SOX30: variants seen among roughly 807,000 people sequenced by gnomAD.
SOX30 encodes transcription factor SOX-30.
Under a neutral mutation model 58.6 loss-of-function variants are expected in SOX30, and 17 were observed. The observed-to-expected ratio is 0.29, with a 90% CI of 0.20 to 0.44. The LOEUF is 0.44. Ranked by LOEUF, SOX30 falls within the 20% of genes least tolerant of loss-of-function variation. The pLI, the probability that SOX30 is intolerant of heterozygous loss-of-function variation, is 1.00. For missense variants in SOX30, 951 were observed against 965.8 expected, an observed-to-expected ratio of 0.98 and a Z score of 0.20; for synonymous variants, 421 against 400.2, an observed-to-expected ratio of 1.05 and a Z score of -0.62.
intron 2 of SOX30, among the ~76,000 whole-genome samples, chr5:157,659,311 C>A (rs1759534993): frequency 1.3e-5 from 2 of 152,130 alleles, no homozygotes; most frequent in Non-Finnish European, 2.9e-5. Context: ...CCCAGATGAG[C>A]CTATAGTGCA....
chr5:157,663,953 C>T (rs1759621420), intron 2 of SOX30, among the ~76,000 whole-genome samples: 1 of 151,234 alleles, frequency 6.6e-6, no homozygotes. Context: ...TAAAAGAGGA[C>T]AAAAAAAATG....
chr5:157,642,390 A>G (rs1561582598), intron 3 of SOX30, among the ~76,000 whole-genome samples: 1 of 152,082 alleles, frequency 6.6e-6, no homozygotes. Flanking sequence ...CCATGAATTC[A>G]GTGTGTGAAA....
chr5:157,636,098 G>C (rs1339221232), intron 4 of SOX30, among the ~76,000 whole-genome samples: 1 of 152,098 alleles, frequency 6.6e-6, no homozygotes, highest in East Asian at 1.9e-4. Flanking sequence ...AAAATTCTTA[G>C]CTCTCAAAAC....
intron 4 of SOX30, among the ~76,000 whole-genome samples, chr5:157,630,713 T>C (rs1395884321): frequency 6.6e-6 from 1 of 151,220 alleles, no homozygotes; most frequent in Middle Eastern, 3.2e-3. Flanking sequence ...TAGTCTTTAC[T>C]TCCTGCTTAT....
intron 3 of SOX30, among the ~76,000 whole-genome samples, chr5:157,640,437 C>A (rs1047334019): frequency 6.6e-6 from 1 of 152,090 alleles, no homozygotes; most frequent in African/African-American, 2.4e-5. Flanking sequence ...ATGCTATAAG[C>A]GAGACAGGGT....
intron 3 of SOX30, among the ~76,000 whole-genome samples, chr5:157,645,081 G>C (rs969531163): frequency 2.5e-4 from 38 of 152,308 alleles, no homozygotes; most frequent in African/African-American, 8.4e-4. Context: ...CTACCAAACA[G>C]TGAAGACTGA....
chr5:157,632,669 T>C (rs1197374769), intron 4 of SOX30, among the ~76,000 whole-genome samples: 1 of 152,194 alleles, frequency 6.6e-6, no homozygotes, highest in African/African-American at 2.4e-5. Flanking sequence ...TCTGAACCAA[T>C]GTGTGAAACA....
upstream of SOX30, among the ~76,000 whole-genome samples, chr5:157,657,352 G>T (rs913282248): frequency 7.2e-5 from 11 of 152,028 alleles, no homozygotes; most frequent in Non-Finnish European, 1.3e-4. Context: ...TTTAATAGTG[G>T]CTGTCCTAAG....
chr5:157,649,581 G>A (rs762629042), intron 1 of SOX30, among the ~76,000 whole-genome samples: 5 of 152,294 alleles, frequency 3.3e-5, no homozygotes, highest in Non-Finnish European at 7.4e-5. Context: ...CGCGAGGTCA[G>A]GAGTTTGAGA....
intron 4 of SOX30, among the ~76,000 whole-genome samples, chr5:157,629,534 T>C (rs2113831506): frequency 6.6e-6 from 1 of 152,242 alleles, no homozygotes; most frequent in South Asian, 2.1e-4. Flanking sequence ...AAAAGATCAA[T>C]TAAGACAAAG....
rs1051884296 is a variant in SOX30, at chr5:157,668,031, T to C, written c.-3-179A>G. Among the ~76,000 whole-genome samples the C allele has an allele frequency of 3.9e-5, 6 of 152,178 alleles. No homozygotes were observed. The East Asian group carries it at 1.2e-3, about 29-fold the overall frequency. ...TTAATGTCAGATGTGAACCAGGCCATACGATGCACAGGGCGTGCTCTTCCC... is the reference window on the plus strand; with the variant it reads ...TTAATGTCAGATGTGAACCAGGCCACACGATGCACAGGGCGTGCTCTTCCC... On this transcript the variant is annotated intron_variant, in intron 1 of 5. Transcript: ENST00000519442.
At chr5:157,634,467 T>C (rs890586842) in intron 4 of SOX30, among the ~76,000 whole-genome samples, 6 of 109,488 alleles carry the variant, frequency 5.5e-5, no homozygotes, top group African/African-American at 4.2e-4. Flanking sequence ...TTCTCTCTCC[T>C]TGGCCTCCCA....
chr5:157,626,546 G>C lies in SOX30; in HGVS notation c.2056C>G (p.Arg686Gly). 1 of 1,614,066 alleles carries C rather than the reference G, an allele frequency of 6.2e-7. No homozygotes were observed. The highest frequency in any genetic ancestry group is 1.1e-5 in the South Asian group (1 of 91,072). ...SSECTHSENS[R>G]SCENMNGTSY... ...GTTCCATTCATGTTCTCACAACTCC[G>C]AGAATTTTCACTGTGTGTGCATTCA... is the stretch of plus-strand genomic sequence containing the variant. Residue 686 changes from arginine to glycine, a missense_variant, in exon 5 of 5, where the codon CGG becomes GGG. Arg to Gly is a moderately radical substitution (Grantham distance 125, BLOSUM62 -2). Transcript: ENST00000265007.
intron 1 of SOX30, among the ~76,000 whole-genome samples, chr5:157,668,610 G>A (rs148132258): frequency 6.6e-6 from 1 of 152,102 alleles, no homozygotes; most frequent in Non-Finnish European, 1.5e-5. Flanking sequence ...CTATCTATGT[G>A]GCCCTTGAAC....
chr5:157,627,613 T>G (rs1462583668), intron 4 of SOX30, among the ~76,000 whole-genome samples: 1 of 152,210 alleles, frequency 6.6e-6, no homozygotes, highest in Non-Finnish European at 1.5e-5. Flanking sequence ...AAACTGATAG[T>G]AAACTATGGT....
chr5:157,660,448 A>G (rs200683905), intron 2 of SOX30, among the ~76,000 whole-genome samples: 9 of 146,322 alleles, frequency 6.2e-5, no homozygotes, highest in African/African-American at 9.8e-5. Context: ...ATAAAATAAA[A>G]TAAAGTAAAG....
Position 157,651,759 on chromosome 5 carries a change from A to C in SOX30, c.320T>G (p.Leu107Arg). ...QARLLQFRPDLRLLQPPTASD... is the reference protein window; with the variant it reads ...QARLLQFRPDRRLLQPPTASD... ...CGCTGTCGGCGGCTGCAGGAGCCGC[A>C]GGTCGGGCCTGAACTGCAACAGCCG... is the stretch of plus-strand genomic sequence containing the variant. The change falls in exon 1 of 5, where the codon CTG becomes CGG. Residue 107 changes from leucine to arginine, a missense_variant. Physicochemically the swap from Leu to Arg is moderately radical, Grantham distance 102. Around this residue, in one of 7 missense-constraint regions of SOX30, gnomAD observed 363 missense variants for 294.5 expected, o/e 1.23. Transcript: ENST00000265007. 6.4e-7 allele frequency: 1 copy of C among 1,556,882 alleles called. No individual in the cohort carries two copies. Among genetic ancestry groups the C allele is most frequent in the Non-Finnish European group, 8.7e-7 (1 of 1,154,074 alleles).
At chr5:157,664,759 AAATC>A (rs1264547110) in intron 2 of SOX30, among the ~76,000 whole-genome samples, 7 of 152,042 alleles carry the variant, frequency 4.6e-5, no homozygotes, top group African/African-American at 9.7e-5. Context: ...TTACAAGAAA[AAATC>A]AACCCCATCA....
rs1264362624 is a variant in SOX30 at position 157,652,315 on chromosome 5, C to G, written c.-237G>C. 5.5e-5 allele frequency: 68 copies of G among 1,225,542 alleles called. No homozygotes were observed. The highest frequency in any genetic ancestry group is 5.8e-5 in the Non-Finnish European group (57 of 985,006). 75.9% of individuals were successfully genotyped at this position (1,225,542 alleles called of 1,614,324 possible). A position where few individuals can be genotyped will look rare whatever the true frequency, so the allele number is the denominator to read the frequency against. ...CCCTACTCTCGCCTCGTGCTGAGTCCTCGAATCACCTGCCATGGTAGGAGC... is the reference window on the plus strand; with the variant it reads ...CCCTACTCTCGCCTCGTGCTGAGTCGTCGAATCACCTGCCATGGTAGGAGC... On this transcript the variant is annotated 5_prime_UTR_variant, in exon 1 of 5. Coordinates refer to ENST00000265007, the MANE Select transcript of SOX30 (RefSeq NM_178424.2).
Sources: allele counts gnomAD v4.1 joint callset (sites outside exome capture counted in the v4.1 genomes callset), GRCh38; gene constraint gnomAD v4.1.1; regional missense constraint gnomAD v4.1.1; transcripts MANE v1.5; gene names NCBI Gene and HGNC (gene_info 2026-07-23, HGNC 2026-07-21).